SPATA22: variants seen among roughly 807,000 people sequenced by gnomAD.
SPATA22 encodes the protein spermatogenesis associated 22, also known as spermatogenesis-associated protein 22.
A neutral mutation model predicts 47.8 loss-of-function variants in SPATA22; 29 were observed. The ratio of observed to expected loss-of-function variants is 0.61; its 90% CI spans 0.45 to 0.83. The LOEUF is 0.83. SPATA22 is among the 40% of genes least tolerant of loss of function. The pLI, the probability that SPATA22 is intolerant of heterozygous loss-of-function variation, is 0.00. For missense variants in SPATA22, 410 were observed against 421.7 expected (o/e 0.97, Z 0.24); for synonymous variants, 133 against 140.9 (o/e 0.94, Z 0.40).
rs574163791 is a variant in SPATA22 at position 3,454,657 on chromosome 17, T to C, written c.330-5508A>G. 1.3e-3 allele frequency among the ~76,000 whole-genome samples: 200 copies of C among 152,180 alleles called. 3 individuals carry two copies. The South Asian group carries it at 0.034, about 26-fold the overall frequency. ...TCATTTTTTATGGCTGCATAGTATTTCATGGTGTATATGTGCCACATTTTC... is the reference window on the plus strand; with the variant it reads ...TCATTTTTTATGGCTGCATAGTATTCCATGGTGTATATGTGCCACATTTTC... On this transcript the variant is annotated intron_variant, in intron 5 of 8. Coordinates refer to ENST00000572969, the MANE Select transcript of SPATA22 (RefSeq NM_001170698.2).
chr17:3,505,046 G>T (rs1365307930), intron 1 of SPATA22, among the ~76,000 whole-genome samples: 1 of 151,994 alleles, frequency 6.6e-6, no homozygotes, highest in African/African-American at 2.4e-5. Flanking sequence ...GGCCACATAA[G>T]ACTTCTCCAG....
intron 1 of SPATA22, chr17:3,513,193 A>G (rs934772956): frequency 1.3e-5 from 2 of 152,606 alleles, no homozygotes; most frequent in Admixed American, 6.5e-5. Flanking sequence ...CACAAACTTC[A>G]TTGTAGTAAT....
rs1175316518 is a variant in SPATA22 at position 3,462,478 on chromosome 17, C to G, written c.329+5G>C. 2 of 1,582,992 alleles carry G rather than the reference C, an allele frequency of 1.3e-6. No individual in the cohort carries two copies. Among genetic ancestry groups the G allele is most frequent in the Non-Finnish European group, 1.7e-6 (2 of 1,167,804 alleles). On this transcript the variant is annotated splice_donor_5th_base_variant and intron_variant, in intron 5 of 8. Transcript: ENST00000572969. ...GAAGAAGAAAGAAATTTTAAGTAGA[C>G]TCACCTCCAACCACCCTGGCTTCTT...
intron 5 of SPATA22, among the ~76,000 whole-genome samples, chr17:3,456,509 A>G (rs1253695271): frequency 1.3e-5 from 2 of 151,582 alleles, no homozygotes; most frequent in African/African-American, 2.4e-5. Context: ...AAGAAGTTGA[A>G]TCTCTGAATA....
intron 5 of SPATA22, among the ~76,000 whole-genome samples, chr17:3,454,993 T>C (rs1268610944): frequency 1.4e-4 from 21 of 152,066 alleles, no homozygotes; most frequent in Admixed American, 1.2e-3. Flanking sequence ...ATCGCCATTC[T>C]AACTGGTGTG....
rs534989754 is a variant in SPATA22, at chr17:3,504,072, T to G, written c.-74+9340A>C. 9.6e-4 allele frequency among the ~76,000 whole-genome samples: 146 copies of G among 152,060 alleles called. 1 individual carries two copies. The highest frequency in any genetic ancestry group is 3.4e-3 in the African/African-American group (143 of 41,486). On this transcript the variant is annotated intron_variant, in intron 1 of 8. Transcript: ENST00000541913. ...CCTCTAGGCCTTTACATAGACTGACTCCCCTACCCAGAACTCTCCCCCACT... is the reference window on the plus strand; with the variant it reads ...CCTCTAGGCCTTTACATAGACTGACGCCCCTACCCAGAACTCTCCCCCACT...
chr17:3,501,080 C>T (rs754102210), intron 1 of SPATA22: 1 of 151,982 alleles, frequency 6.6e-6, no homozygotes, highest in Non-Finnish European at 1.5e-5. Context: ...CCAGCCGAAG[C>T]CCATGGATCA....
rs995121631 is a variant in SPATA22, at chr17:3,485,055, T to C, written c.-73-15657A>G. On this transcript the variant is annotated intron_variant, in intron 1 of 8. Transcript: ENST00000541913. The surrounding 1 kb of genome is among the most constrained non-coding windows in gnomAD (Gnocchi z 4.4). ...TTTTTTCTGGAAAAGGGTCTCACTC[T>C]GTTGCCCAGGCTGAGTGTAGTGGCA... Among the ~76,000 whole-genome samples, 2 of 152,184 alleles carry C rather than the reference T, an allele frequency of 1.3e-5. No individual in the cohort carries two copies. The highest frequency in any genetic ancestry group is 4.8e-5 in the African/African-American group (2 of 41,452).
At chr17:3,445,625 T>C (rs1246754447) in intron 7 of SPATA22, among the ~76,000 whole-genome samples, 1 of 152,106 alleles carries the variant, frequency 6.6e-6, no homozygotes, top group African/African-American at 2.4e-5. Context: ...CAATTGAAAA[T>C]GAATACAGCG....
Position 3,443,249 on chromosome 17 carries a change from T to C in SPATA22, c.825A>G (p.Thr275=). The change falls in exon 8 of 9, where the codon ACA becomes ACG. Residue 275 remains threonine, a synonymous_variant. Transcript: ENST00000572969. ...EVLAVLDSAV[T]PGPYYSKTFL... ...AAGTCTTCGAATAATATGGGCCAGG[T>C]GTAACAGCTGAATCAAGAACAGCTA... The C allele has an allele frequency of 1.2e-6, 2 of 1,610,230 alleles. No homozygotes were observed. Among genetic ancestry groups the C allele is most frequent in the Non-Finnish European group, 1.7e-6 (2 of 1,177,906 alleles).
At chr17:3,455,805 T>A (rs1256797085) in intron 5 of SPATA22, among the ~76,000 whole-genome samples, 12 of 150,776 alleles carry the variant, frequency 8.0e-5, no homozygotes, top group South Asian at 4.3e-4. Context: ...ATATGAACTT[T>A]AAAGTAGTTT....
chr17:3,493,423 T>A (rs1297854857), intron 1 of SPATA22, among the ~76,000 whole-genome samples: 1 of 151,066 alleles, frequency 6.6e-6, no homozygotes, highest in Non-Finnish European at 1.5e-5. Flanking sequence ...TAGCCGGGCG[T>A]GGTGGTGCAT....
At chr17:3,494,956 G>T (rs2073885493) in intron 1 of SPATA22, among the ~76,000 whole-genome samples, 1 of 152,260 alleles carries the variant, frequency 6.6e-6, no homozygotes, top group African/African-American at 2.4e-5. Context: ...CGCATCACTT[G>T]CTACCTCCCT....
At chr17:3,456,831 A>G (rs1454717333) in intron 5 of SPATA22, among the ~76,000 whole-genome samples, 1 of 151,710 alleles carries the variant, frequency 6.6e-6, no homozygotes, top group Non-Finnish European at 1.5e-5. Context: ...CCAGCAGCAC[A>G]TCAAAAAGCT....
At chr17:3,478,718 T>C (rs745518710) in intron 1 of SPATA22, among the ~76,000 whole-genome samples, 13 of 152,184 alleles carry the variant, frequency 8.5e-5, no homozygotes, top group Non-Finnish European at 1.8e-4. Context: ...CCCAGCGTGG[T>C]TGAAAAATTA....
chr17:3,461,333 C>T (rs986207197), intron 5 of SPATA22, among the ~76,000 whole-genome samples: 6 of 152,164 alleles, frequency 3.9e-5, no homozygotes, highest in African/African-American at 1.4e-4. Context: ...TTACCAACTG[C>T]CTGCATGGAT....
chr17:3,440,267 G>A lies in SPATA22; in HGVS notation c.972C>T (p.Asn324=). The A allele has an allele frequency of 6.2e-7, 1 of 1,610,858 alleles. No homozygotes were observed. ...RCVGNYDQKK[N]IFQCVSVRPA... ...GTCTGACAGAAACACATTGGAAAATGTTCTTTTTCTGGTCATAGTTGCCAA... is the reference window on the plus strand; with the variant it reads ...GTCTGACAGAAACACATTGGAAAATATTCTTTTTCTGGTCATAGTTGCCAA... Residue 324 remains asparagine, a synonymous_variant, in exon 9 of 9, where the codon AAC becomes AAT. Coordinates refer to ENST00000572969, the MANE Select transcript of SPATA22 (RefSeq NM_001170698.2).
At chr17:3,480,877 A>G (rs767724544) in intron 1 of SPATA22, among the ~76,000 whole-genome samples, 22 of 152,212 alleles carry the variant, frequency 1.4e-4, no homozygotes, top group African/African-American at 5.1e-4. Context: ...TCATTGTAAT[A>G]ATTGTCTCAG....
At chr17:3,464,105 C>A (rs1021922605) in intron 3 of SPATA22, among the ~76,000 whole-genome samples, 1 of 151,934 alleles carries the variant, frequency 6.6e-6, no homozygotes, top group Admixed American at 6.5e-5. Context: ...CTCACCCTGC[C>A]GAGTGCCTGC....
Sources: allele counts gnomAD v4.1 joint callset (sites outside exome capture counted in the v4.1 genomes callset), GRCh38; gene constraint gnomAD v4.1.1; non-coding constraint Gnocchi (gnomAD v3.1); transcripts MANE v1.5; gene names NCBI Gene and HGNC (gene_info 2026-07-23, HGNC 2026-07-21).